The following FHIT variants were observed in gnomAD, a reference collection of about 807,000 sequenced individuals.
FHIT encodes the protein fragile histidine triad diadenosine triphosphatase.
Under a neutral mutation model 17.9 loss-of-function variants are expected in FHIT, and 19 were observed. The ratio of observed to expected loss-of-function variants is 1.06; its 90% confidence interval spans 0.74 to 1.56. The LOEUF is 1.56. Among genes scored for constraint, FHIT ranks in the 40% most tolerant of loss-of-function variants. The pLI, the probability that FHIT is intolerant of heterozygous loss-of-function variation, is 0.00. For synonymous variants in FHIT, 81 were observed against 69.7 expected (o/e 1.16, Z -0.81); for missense variants, 248 against 189.2 (o/e 1.31, Z -1.82).
chr3:60,316,293 T>A (rs944490952), intron 5 of FHIT, among the ~76,000 whole-genome samples: 6 of 152,308 alleles, frequency 3.9e-5, no homozygotes, highest in African/African-American at 9.6e-5. Context: ...TCCACCAGCA[T>A]GATTTTTATA....
In FHIT at chr3:60,966,339, C is replaced by T. The variant is rs138807356; in HGVS notation, c.-111+75708G>A. 8.8e-3 allele frequency among the ~76,000 whole-genome samples: 1,339 copies of T among 152,314 alleles called. 14 individuals are homozygous for T. Among genetic ancestry groups the T allele is most frequent in the Non-Finnish European group, 0.013 (885 of 68,026 alleles). On this transcript the variant is annotated intron_variant, in intron 3 of 9. Coordinates refer to ENST00000492590, the MANE Select transcript of FHIT (RefSeq NM_002012.4). ...CCGATTTTCCAGGTACCGTCTCTCA[C>T]GGCTTCTCTTGACTAGGAAAGGGAA... is the stretch of plus-strand genomic sequence containing the variant.
At chr3:60,919,146 C>T (rs1162085213) in intron 3 of FHIT, among the ~76,000 whole-genome samples, 1 of 152,116 alleles carries the variant, frequency 6.6e-6, no homozygotes, top group Non-Finnish European at 1.5e-5. Context: ...TGCAGGGGGC[C>T]TCATGTCAGG....
At chr3:60,912,429 T>G (rs1406437753) in intron 3 of FHIT, among the ~76,000 whole-genome samples, 1 of 152,142 alleles carries the variant, frequency 6.6e-6, no homozygotes, top group Non-Finnish European at 1.5e-5. Flanking sequence ...ATGGGGTTAT[T>G]ATAGGGATTA....
At chr3:60,492,236 G>T (rs2034096619) in intron 5 of FHIT, among the ~76,000 whole-genome samples, 2 of 152,130 alleles carry the variant, frequency 1.3e-5, no homozygotes, top group Admixed American at 6.6e-5. Flanking sequence ...CAACATAACT[G>T]CAAGACAACA....
intron 4 of FHIT, among the ~76,000 whole-genome samples, chr3:60,809,307 A>G (rs1179269626): frequency 6.6e-6 from 1 of 152,160 alleles, no homozygotes; most frequent in African/African-American, 2.4e-5. Context: ...TGAAAAATAC[A>G]TTGGCCCTAG....
At chr3:61,130,332 G>C (rs949783229) in intron 2 of FHIT, among the ~76,000 whole-genome samples, 1 of 152,150 alleles carries the variant, frequency 6.6e-6, no homozygotes, top group Non-Finnish European at 1.5e-5. Context: ...CCTCTGCTCA[G>C]TGCCGAAAAG....
At chr3:60,321,532 C>T (rs189021382) in intron 5 of FHIT, among the ~76,000 whole-genome samples, 21 of 152,156 alleles carry the variant, frequency 1.4e-4, no homozygotes, top group Non-Finnish European at 2.4e-4. Flanking sequence ...TTAAGAGATG[C>T]ATAATCAGGC....
intron 8 of FHIT, among the ~76,000 whole-genome samples, chr3:59,757,176 G>A (rs1175585289): frequency 6.6e-6 from 1 of 152,150 alleles, no homozygotes; most frequent in Non-Finnish European, 1.5e-5. Context: ...TTTCACAGAA[G>A]CTTTGTTCTT....
intron 5 of FHIT, among the ~76,000 whole-genome samples, chr3:60,205,881 G>C (rs1335193735): frequency 6.6e-6 from 1 of 151,560 alleles, no homozygotes; most frequent in Non-Finnish European, 1.5e-5. Flanking sequence ...GGCCGAGGGG[G>C]GCAGATCATG....
intron 7 of FHIT, among the ~76,000 whole-genome samples, chr3:59,974,802 C>T (rs961337813): frequency 2.0e-5 from 3 of 152,110 alleles, no homozygotes; most frequent in African/African-American, 2.4e-5. Flanking sequence ...CTAAGGTTGT[C>T]GGGGGAGATA....
chr3:60,937,252 TTAG>T (rs1553773319), intron 3 of FHIT, among the ~76,000 whole-genome samples: 1 of 152,208 alleles, frequency 6.6e-6, no homozygotes, highest in African/African-American at 2.4e-5. Flanking sequence ...GTAAGAGTTC[TTAG>T]TAGGAATGAT....
intron 5 of FHIT, among the ~76,000 whole-genome samples, chr3:60,527,535 T>C (rs539089325): frequency 6.6e-6 from 1 of 152,260 alleles, no homozygotes; most frequent in Non-Finnish European, 1.5e-5. Flanking sequence ...TCAGAGCAAA[T>C]TATGCGGCTA....
At chr3:60,338,530 T>A (rs1710356163) in intron 5 of FHIT, among the ~76,000 whole-genome samples, 2 of 152,208 alleles carry the variant, frequency 1.3e-5, no homozygotes, top group African/African-American at 2.4e-5. Flanking sequence ...ATAGTATATA[T>A]GTCAGATTGT....
At chr3:59,806,358 A>G (rs1341551437) in intron 8 of FHIT, among the ~76,000 whole-genome samples, 1 of 152,102 alleles carries the variant, frequency 6.6e-6, no homozygotes, top group African/African-American at 2.4e-5. Context: ...GGAGACAAAC[A>G]CTTGACTATG....
At chr3:60,347,938 T>C (rs1008998221) in intron 5 of FHIT, among the ~76,000 whole-genome samples, 1 of 152,090 alleles carries the variant, frequency 6.6e-6, no homozygotes, top group East Asian at 1.9e-4. Flanking sequence ...TTTGCATTTT[T>C]ACTAAAGACG....
intron 8 of FHIT, among the ~76,000 whole-genome samples, chr3:59,848,997 G>A (rs940419659): frequency 9.9e-5 from 15 of 152,150 alleles, no homozygotes; most frequent in African/African-American, 3.6e-4. Context: ...ATTCCATTTA[G>A]GACAGTACTC....
At chr3:60,100,861 CTT>C (rs1331740478) in intron 5 of FHIT, among the ~76,000 whole-genome samples, 2 of 152,106 alleles carry the variant, frequency 1.3e-5, no homozygotes, top group Non-Finnish European at 2.9e-5. Flanking sequence ...ATTTTGTTCT[CTT>C]GTTACTGCAT....
chr3:60,555,597 G>A (rs373069220), intron 4 of FHIT, among the ~76,000 whole-genome samples: 2 of 152,098 alleles, frequency 1.3e-5, no homozygotes, highest in East Asian at 1.9e-4. Context: ...TCTCTTCATC[G>A]TTTTTTCATT....
intron 8 of FHIT, among the ~76,000 whole-genome samples, chr3:59,882,623 G>A (rs192848327): frequency 4.2e-4 from 64 of 152,266 alleles, no homozygotes; most frequent in African/African-American, 1.5e-3. Flanking sequence ...GTAGGTGGAG[G>A]TACAGAGGGG....
Sources: allele counts gnomAD v4.1 joint callset (sites outside exome capture counted in the v4.1 genomes callset), GRCh38; gene constraint gnomAD v4.1.1; transcripts MANE v1.5; gene names NCBI Gene and HGNC (gene_info 2026-07-23, HGNC 2026-07-21).